Variants in PLPP3 observed in about 807,000 individuals in gnomAD.
PLPP3 encodes phospholipid phosphatase 3.
Under a neutral mutation model 29.6 loss-of-function variants are expected in PLPP3, and 6 were observed. The observed-to-expected ratio is 0.20, with a 90% CI of 0.11 to 0.40. PLPP3 has a LOEUF of 0.40. Ranked by LOEUF, PLPP3 falls within the 10% of genes least tolerant of loss-of-function variation. PLPP3 has a pLI of 1.00. For synonymous variants in PLPP3, 152 were observed against 159.7 expected (o/e 0.95, Z 0.36); for missense variants, 308 against 407.7 (o/e 0.76, Z 2.11).
intron 5 of PLPP3, among the ~76,000 whole-genome samples, chr1:56,506,508 ACT>A (rs901050278): frequency 2.6e-5 from 4 of 151,866 alleles, no homozygotes; most frequent in African/African-American, 9.7e-5. Flanking sequence ...ACCAGGAAAG[ACT>A]CTGCTGTGTA....
intron 1 of PLPP3, among the ~76,000 whole-genome samples, chr1:56,540,021 G>A (rs1412909843): frequency 1.3e-5 from 2 of 151,964 alleles, no homozygotes; most frequent in South Asian, 4.1e-4. Flanking sequence ...CACATGATAG[G>A]CCTGTAAAAC....
At chr1:56,515,074 G>GGGT (rs1645771510) in intron 4 of PLPP3, among the ~76,000 whole-genome samples, 1 of 152,090 alleles carries the variant, frequency 6.6e-6, no homozygotes, top group South Asian at 2.1e-4. Flanking sequence ...GACAAGGGTG[G>GGGT]GGTGCATAAC....
intron 5 of PLPP3, among the ~76,000 whole-genome samples, chr1:56,500,490 G>A (rs1645659827): frequency 6.6e-6 from 1 of 152,196 alleles, no homozygotes; most frequent in African/African-American, 2.4e-5. Context: ...AAAGGGAATA[G>A]TGTGTGCAAA....
intron 1 of PLPP3, among the ~76,000 whole-genome samples, chr1:56,572,434 G>A (rs533930577): frequency 2.6e-5 from 4 of 152,220 alleles, no homozygotes; most frequent in African/African-American, 4.8e-5. Flanking sequence ...AACAGACCAC[G>A]TGTCTAAATT....
chr1:56,545,918 T>C (rs1216263030), intron 1 of PLPP3, among the ~76,000 whole-genome samples: 4 of 152,080 alleles, frequency 2.6e-5, no homozygotes, highest in African/African-American at 9.7e-5. Flanking sequence ...TGGGAGGCCC[T>C]GCAAGAACAA....
At chr1:56,539,705 A>C (rs1645955259) in intron 1 of PLPP3, among the ~76,000 whole-genome samples, 1 of 152,170 alleles carries the variant, frequency 6.6e-6, no homozygotes, top group African/African-American at 2.4e-5. Flanking sequence ...CTGGCTTAGA[A>C]ATGATCTTTA....
rs1569624636 is a variant in PLPP3 at position 56,579,136 on chromosome 1, C to G, written c.-120G>C. 6 of 1,354,692 alleles carry G rather than the reference C, an allele frequency of 4.4e-6. No homozygotes were observed. Among genetic ancestry groups the G allele is most frequent in the Non-Finnish European group, 5.8e-6 (6 of 1,030,610 alleles). The allele number at this position is 1,354,692 out of a possible 1,614,324, so 83.9% of individuals were successfully genotyped here. A position where few individuals can be genotyped will look rare whatever the true frequency, so the allele number is the denominator to read the frequency against. ...GCTGCGGATAGTGGCGGGTCGGCCC[C>G]GGCTCCGGGCGCGGCGGCTAGAGTG... is the stretch of plus-strand genomic sequence containing the variant. On this transcript the variant is annotated 5_prime_UTR_variant, in exon 1 of 6. Coordinates refer to ENST00000371250, the MANE Select transcript of PLPP3 (RefSeq NM_003713.5).
chr1:56,567,242 C>T (rs552701404), intron 1 of PLPP3, among the ~76,000 whole-genome samples: 141 of 152,206 alleles, frequency 9.3e-4, no homozygotes, highest in African/African-American at 3.3e-3. Context: ...CCAGTGGCAC[C>T]ACTAAACTGA....
At chr1:56,567,493 G>GCA (rs370890447) in intron 1 of PLPP3, among the ~76,000 whole-genome samples, 2,874 of 149,718 alleles carry the variant, frequency 0.019, 46 homozygotes, top group East Asian at 0.073. Context: ...TGCCTCCCGG[G>GCA]TTCATGCCAT....
rs1331994050 is a variant in PLPP3 at position 56,579,484 on chromosome 1, C to T, written c.-468G>A. On this transcript the variant is annotated 5_prime_UTR_variant, in exon 1 of 6. Transcript: ENST00000371250. ...AACTTTGCCTCCTCCTCCTCCTCCT[C>T]CTCCGGCTCCTCCTGCTCCTCCTGC... 1 of 180,654 alleles carries T rather than the reference C, an allele frequency of 5.5e-6. No individual in the cohort carries two copies. The highest frequency in any genetic ancestry group is 1.8e-4 in the East Asian group (1 of 5,450). The allele number at this position is 180,654 out of a possible 1,614,324, so 11.2% of individuals were successfully genotyped here. A position where few individuals can be genotyped will look rare whatever the true frequency, so the allele number is the denominator to read the frequency against.
At chr1:56,513,624 A>G (rs577269479) in intron 4 of PLPP3, 1 of 152,326 alleles carries the variant, frequency 6.6e-6, no homozygotes, top group South Asian at 2.1e-4. Flanking sequence ...AACTACGTGG[A>G]ACACTATTTC....
chr1:56,554,770 T>C (rs1055299467), intron 1 of PLPP3, among the ~76,000 whole-genome samples: 4 of 152,152 alleles, frequency 2.6e-5, no homozygotes, highest in African/African-American at 9.7e-5. Flanking sequence ...GTTTTAAAGA[T>C]ACCAATGTCT....
At chr1:56,527,019 A>C (rs976805564) in intron 2 of PLPP3, among the ~76,000 whole-genome samples, 1 of 152,164 alleles carries the variant, frequency 6.6e-6, no homozygotes, top group Non-Finnish European at 1.5e-5. Flanking sequence ...AGAACATGTG[A>C]GTTTCCAATG....
At chr1:56,511,492 G>T (rs1645741062) in intron 5 of PLPP3, among the ~76,000 whole-genome samples, 1 of 152,088 alleles carries the variant, frequency 6.6e-6, no homozygotes, top group Admixed American at 6.5e-5. Context: ...GGAAGAGGAG[G>T]CATTTTCCAA....
chr1:56,551,118 A>G (rs529505948), intron 1 of PLPP3, among the ~76,000 whole-genome samples: 3 of 152,266 alleles, frequency 2.0e-5, no homozygotes, highest in South Asian at 2.1e-4. Context: ...TGGAAACTCT[A>G]TAATATAATG....
rs566561829 is a variant in PLPP3 at position 56,494,921 on chromosome 1, T to G, written c.*1630A>C. On this transcript the variant is annotated 3_prime_UTR_variant, in exon 6 of 6. Coordinates refer to ENST00000371250, the MANE Select transcript of PLPP3 (RefSeq NM_003713.5). ...CTGACAATTTAATGTTTTTATACAG[T>G]TTTCTCTAGTTGCAGTTATTTCATT... 4 of 152,728 alleles carry G rather than the reference T, an allele frequency of 2.6e-5. No individual in the cohort carries two copies. The highest frequency in any genetic ancestry group is 2.6e-4 in the Admixed American group (4 of 15,298). The allele number at this position is 152,728 out of a possible 1,614,324, so 9.5% of individuals were successfully genotyped here. A position where few individuals can be genotyped will look rare whatever the true frequency, so the allele number is the denominator to read the frequency against.
In PLPP3 at chr1:56,520,662, A is replaced by G. The variant is rs184882051; in HGVS notation, c.633+3161T>C. On this transcript the variant is annotated intron_variant, in intron 4 of 5. Coordinates refer to ENST00000371250, the MANE Select transcript of PLPP3 (RefSeq NM_003713.5). Reference sequence around the variant, plus strand: ...GTGGTGGCTCATGCCTGTAATCCCAACACTTTGGGAGGCTGAGGTGGGTGG... The same window carrying G: ...GTGGTGGCTCATGCCTGTAATCCCAGCACTTTGGGAGGCTGAGGTGGGTGG... 4.6e-3 allele frequency among the ~76,000 whole-genome samples: 697 copies of G among 151,824 alleles called. 10 individuals carry two copies. The highest frequency in any genetic ancestry group is 0.016 in the African/African-American group (649 of 41,428).
chr1:56,499,086 C>A (rs1244684109), intron 5 of PLPP3, among the ~76,000 whole-genome samples: 11 of 121,590 alleles, frequency 9.0e-5, no homozygotes, highest in Admixed American at 5.1e-4. Flanking sequence ...CCCCCCCCCA[C>A]CTTCCCCCCT....
At chr1:56,565,206 G>C (rs1335674119) in intron 1 of PLPP3, among the ~76,000 whole-genome samples, 3 of 152,186 alleles carry the variant, frequency 2.0e-5, no homozygotes, top group Non-Finnish European at 4.4e-5. Context: ...GTCATTTGTG[G>C]GGAAGAGGCT....
Sources: allele counts gnomAD v4.1 joint callset (sites outside exome capture counted in the v4.1 genomes callset), GRCh38; gene constraint gnomAD v4.1.1; transcripts MANE v1.5; gene names NCBI Gene and HGNC (gene_info 2026-07-23, HGNC 2026-07-21).